The following TMEM132D variants were observed in gnomAD, a reference collection of about 807,000 sequenced individuals.
The protein encoded by TMEM132D is transmembrane protein 132D, also known as mature OL transmembrane protein.
TMEM132D carries 21 observed loss-of-function variants against 62.3 expected under a neutral mutation model. The ratio of observed to expected loss-of-function variants is 0.34; its 90% CI spans 0.24 to 0.49. The LOEUF (loss-of-function observed/expected upper bound fraction) is 0.49, where lower values mean the gene tolerates loss of function less well. Ranked by LOEUF, TMEM132D falls within the 20% of genes least tolerant of loss-of-function variation. TMEM132D has a pLI of 0.99. For missense variants in TMEM132D, 1,346 were observed against 1,402.8 expected (o/e 0.96, Z 0.65); for synonymous variants, 621 against 575.6 (o/e 1.08, Z -1.13).
chr12:129,542,354 A>G (rs1390519474), intron 2 of TMEM132D, among the ~76,000 whole-genome samples: 2 of 152,198 alleles, frequency 1.3e-5, no homozygotes, highest in Non-Finnish European at 2.9e-5. Flanking sequence ...GTTTTAGAGA[A>G]ATTGCTTAAA....
intron 3 of TMEM132D, among the ~76,000 whole-genome samples, chr12:129,490,106 A>T (rs926199183): frequency 6.6e-6 from 1 of 152,226 alleles, no homozygotes; most frequent in African/African-American, 2.4e-5. Flanking sequence ...TAATGGACAC[A>T]CTGCATTCTG....
chr12:129,666,305 T>C (rs1880379245), intron 2 of TMEM132D, among the ~76,000 whole-genome samples: 1 of 152,202 alleles, frequency 6.6e-6, no homozygotes, highest in African/African-American at 2.4e-5. Context: ...TCTGCATTTA[T>C]GTGTGTTTTG....
chr12:129,407,002 G>A (rs900792408), intron 3 of TMEM132D, among the ~76,000 whole-genome samples: 3 of 152,168 alleles, frequency 2.0e-5, no homozygotes, highest in Admixed American at 1.3e-4. Flanking sequence ...TAAAGCAGAA[G>A]GTACTTGATC....
At chr12:129,354,079 T>C (rs1052027165) in intron 3 of TMEM132D, among the ~76,000 whole-genome samples, 5 of 151,940 alleles carry the variant, frequency 3.3e-5, no homozygotes, top group African/African-American at 9.7e-5. Flanking sequence ...AGCAACAGCC[T>C]GAAATGTCCT....
intron 4 of TMEM132D, among the ~76,000 whole-genome samples, chr12:129,297,779 T>A (rs1881613585): frequency 6.6e-6 from 1 of 152,156 alleles, no homozygotes; most frequent in Non-Finnish European, 1.5e-5. Context: ...TAACAAAGGT[T>A]GATTTCCTCG....
intron 2 of TMEM132D, among the ~76,000 whole-genome samples, chr12:129,617,002 T>G (rs867120792): frequency 6.6e-6 from 1 of 152,222 alleles, no homozygotes; most frequent in African/African-American, 2.4e-5. Flanking sequence ...GCATGCATCA[T>G]TCATGTTCCC....
intron 2 of TMEM132D, among the ~76,000 whole-genome samples, chr12:129,696,758 A>G (rs1881218106): frequency 1.3e-5 from 2 of 152,218 alleles, no homozygotes; most frequent in South Asian, 4.1e-4. Flanking sequence ...CTAGAAGAAT[A>G]TAGAAGAAAA....
intron 1 of TMEM132D, among the ~76,000 whole-genome samples, chr12:129,762,027 C>T (rs1238980130): frequency 3.3e-5 from 5 of 152,144 alleles, no homozygotes; most frequent in African/African-American, 1.2e-4. Flanking sequence ...ATGAGAAACT[C>T]CAGCCTGCAG....
intron 1 of TMEM132D, among the ~76,000 whole-genome samples, chr12:129,738,311 G>C (rs1341027866): frequency 6.6e-6 from 1 of 151,808 alleles, no homozygotes; most frequent in Non-Finnish European, 1.5e-5. Context: ...TCTGTTGCAG[G>C]AGGGAAAAAA....
intron 2 of TMEM132D, among the ~76,000 whole-genome samples, chr12:129,652,981 T>C (rs1879970240): frequency 6.6e-6 from 1 of 152,174 alleles, no homozygotes. Flanking sequence ...GTATTTAAAA[T>C]TGTCTTACAT....
At position 129,792,500 on chromosome 12, in the gene TMEM132D, G is replaced by A. The variant is rs541035628; in HGVS notation, c.80-91802C>T. On this transcript the variant is annotated intron_variant, in intron 1 of 8. Transcript: ENST00000422113. ...TATTCCATGGATTGTCTCATTCATC[G>A]TCCGGTACATATTTACCGAAAACCT... Among the ~76,000 whole-genome samples the A allele has an allele frequency of 1.1e-4, 17 of 152,170 alleles. No individual in the cohort carries two copies. The South Asian group carries it at 3.1e-3, about 28-fold the overall frequency.
intron 5 of TMEM132D, 85 bp downstream of exon 5, chr12:129,209,435 G>A: frequency 6.5e-7 from 1 of 1,544,112 alleles, no homozygotes; most frequent in Non-Finnish European, 8.8e-7. Flanking sequence ...AGGTCCCAGA[G>A]GTCCCAGAGG....
chr12:129,509,248 T>C (rs928667719), intron 3 of TMEM132D, among the ~76,000 whole-genome samples: 2 of 152,218 alleles, frequency 1.3e-5, no homozygotes, highest in African/African-American at 4.8e-5. Context: ...CTTAGTGAAA[T>C]ATTAATTCAC....
chr12:129,414,026 T>C (rs1252110037), intron 3 of TMEM132D, among the ~76,000 whole-genome samples: 1 of 152,240 alleles, frequency 6.6e-6, no homozygotes, highest in Non-Finnish European at 1.5e-5. Flanking sequence ...TGCTTTCTTA[T>C]GCAGAAACAA....
chr12:129,629,678 AAAACTATAC>A (rs1879306624), intron 2 of TMEM132D, among the ~76,000 whole-genome samples: 1 of 152,160 alleles, frequency 6.6e-6, no homozygotes, highest in South Asian at 2.1e-4. Flanking sequence ...ATAAAAAAAA[AAAACTATAC>A]AAACAAACAC....
intron 5 of TMEM132D, among the ~76,000 whole-genome samples, chr12:129,145,409 A>G (rs1428177593): frequency 6.6e-6 from 1 of 152,058 alleles, no homozygotes; most frequent in East Asian, 1.9e-4. Flanking sequence ...CAGTTTCTAC[A>G]CAGTTTCTGT....
intron 4 of TMEM132D, among the ~76,000 whole-genome samples, chr12:129,336,347 G>A (rs1283944947): frequency 6.6e-6 from 1 of 152,134 alleles, no homozygotes; most frequent in Non-Finnish European, 1.5e-5. Flanking sequence ...GGAGGCTAAG[G>A]TGGGTGGATC....
chr12:129,784,831 C>G (rs917546182), intron 1 of TMEM132D, among the ~76,000 whole-genome samples: 1 of 152,126 alleles, frequency 6.6e-6, no homozygotes, highest in Non-Finnish European at 1.5e-5. Context: ...ACTGTCCATA[C>G]ATGGTGAGGA....
At chr12:129,784,883 A>G (rs1038969322) in intron 1 of TMEM132D, among the ~76,000 whole-genome samples, 5 of 152,120 alleles carry the variant, frequency 3.3e-5, no homozygotes, top group African/African-American at 9.7e-5. Context: ...CACACAGGCA[A>G]TTTTCTGAGG....
Sources: gnomAD v4.1 joint callset for allele counts (sites outside exome capture counted in the v4.1 genomes callset) on GRCh38, gnomAD v4.1.1 for gene constraint, MANE v1.5 for transcripts, NCBI Gene and HGNC (gene_info 2026-07-23, HGNC 2026-07-21) for gene names.